The following RNF144B variants were observed in gnomAD, a reference collection of about 807,000 sequenced individuals.
The protein encoded by RNF144B is E3 ubiquitin-protein ligase RNF144B.
Under a neutral mutation model 40.2 loss-of-function variants are expected in RNF144B, and 25 were observed. The observed-to-expected ratio is 0.62, with a 90% CI of 0.45 to 0.87. The LOEUF (loss-of-function observed/expected upper bound fraction) is 0.87. RNF144B is among the 40% of genes least tolerant of loss of function. The pLI, the probability that RNF144B is intolerant of heterozygous loss-of-function variation, is 0.00. For synonymous variants in RNF144B, 145 were observed against 136.3 expected, an observed-to-expected ratio of 1.06 and a Z score of -0.44; for missense variants, 365 against 373.7, an observed-to-expected ratio of 0.98 and a Z score of 0.19.
At position 18,444,612 on chromosome 6, in the gene RNF144B, T is replaced by A. The variant is rs1235124376; in HGVS notation, c.331+4868T>A. 6.6e-6 allele frequency among the ~76,000 whole-genome samples: 1 copy of A among 152,178 alleles called. No homozygotes were observed. Among genetic ancestry groups the A allele is most frequent in the Non-Finnish European group, 1.5e-5 (1 of 68,030 alleles). On this transcript the variant is annotated intron_variant, in intron 4 of 7. Transcript: ENST00000259939. This position sits in a 1 kb window ranked among gnomAD's most constrained non-coding sequence, Gnocchi z 4.3. ...ATCTGTTCTTGAATATTTATTTATA[T>A]TACCATATAGCAGTTTAAGAACTCT...
chr6:18,411,851 G>A (rs188470693), intron 2 of RNF144B, among the ~76,000 whole-genome samples: 2 of 152,168 alleles, frequency 1.3e-5, no homozygotes, highest in Admixed American at 1.3e-4. Flanking sequence ...ACTTAATAGA[G>A]AAATGGGATC....
intron 3 of RNF144B, among the ~76,000 whole-genome samples, chr6:18,438,982 G>T (rs1283515999): frequency 6.6e-6 from 1 of 152,114 alleles, no homozygotes; most frequent in Admixed American, 6.5e-5. Flanking sequence ...AGCTTTTCCT[G>T]CATCTGCCTT....
In RNF144B at chr6:18,441,124, C is replaced by G. The variant is rs905169796; in HGVS notation, c.331+1380C>G. 6.6e-6 allele frequency among the ~76,000 whole-genome samples: 1 copy of G among 152,152 alleles called. No homozygotes were observed. Among genetic ancestry groups the G allele is most frequent in the African/African-American group, 2.4e-5 (1 of 41,534 alleles). ...ACTCTCTCTAATCCATCCACATGGG[C>G]CGATTAGATTGAGCATTATAACACC... On this transcript the variant is annotated intron_variant, in intron 4 of 7. Transcript: ENST00000259939. The surrounding 1 kb of genome is among the most constrained non-coding windows in gnomAD (Gnocchi z 4.9).
intron 2 of RNF144B, among the ~76,000 whole-genome samples, chr6:18,404,688 G>T (rs762401190): frequency 3.3e-5 from 5 of 151,374 alleles, no homozygotes; most frequent in Admixed American, 6.6e-5. Context: ...TAAATATCTA[G>T]AATTAGGACT....
chr6:18,451,955 A>G (rs940178115), intron 4 of RNF144B, among the ~76,000 whole-genome samples: 23 of 152,184 alleles, frequency 1.5e-4, no homozygotes, highest in African/African-American at 4.3e-4. Context: ...GAAATTTGAG[A>G]GCCCTAATTG....
At chr6:18,453,137 C>CTTTTTTTT (rs33972716) in intron 4 of RNF144B, among the ~76,000 whole-genome samples, 1 of 103,376 alleles carries the variant, frequency 9.7e-6, no homozygotes, top group Non-Finnish European at 1.9e-5. Flanking sequence ...TTTCTGTCTG[C>CTTTTTTTT]TTTTTTTTTT....
intron 4 of RNF144B, among the ~76,000 whole-genome samples, chr6:18,454,302 ATC>A (rs1158739470): frequency 7.2e-5 from 11 of 152,224 alleles, no homozygotes; most frequent in Admixed American, 5.2e-4. Context: ...GGGAAAGAAT[ATC>A]TCTAGAATAT....
intron 2 of RNF144B, among the ~76,000 whole-genome samples, chr6:18,411,494 TATA>T (rs1414954116): frequency 2.3e-3 from 42 of 18,126 alleles, no homozygotes; most frequent in African/African-American, 5.0e-3. Context: ...TATATATATA[TATA>T]TTTTTTTTTT....
chr6:18,453,320 G>A (rs1488584597), intron 4 of RNF144B, among the ~76,000 whole-genome samples: 1 of 151,264 alleles, frequency 6.6e-6, no homozygotes, highest in Non-Finnish European at 1.5e-5. Context: ...TGTATTTTTA[G>A]TAGAGATGGG....
intron 4 of RNF144B, among the ~76,000 whole-genome samples, chr6:18,453,669 G>A (rs565430225): frequency 3.6e-4 from 55 of 152,296 alleles, no homozygotes; most frequent in African/African-American, 1.2e-3. Flanking sequence ...GATACTGTAT[G>A]TGGATGCATT....
At chr6:18,388,171 A>T (rs142777672) in intron 1 of RNF144B, among the ~76,000 whole-genome samples, 2 of 152,160 alleles carry the variant, frequency 1.3e-5, no homozygotes, top group East Asian at 3.8e-4. Flanking sequence ...CATATACACT[A>T]TTCACATAAA....
rs573770578 is a variant in RNF144B, at chr6:18,465,085, C to T, written c.*18C>T. ...CAACCTAAAGATCTCTGTGTTCATA[C>T]GCCCCAGATATGTGAGTTACATGAG... is the stretch of plus-strand genomic sequence containing the variant. On this transcript the variant is annotated 3_prime_UTR_variant, in exon 8 of 8. Transcript: ENST00000259939. 2.2e-5 allele frequency: 36 copies of T among 1,612,464 alleles called. No homozygotes were observed. Among genetic ancestry groups the T allele is most frequent in the Admixed American group, 1.5e-4 (9 of 59,866 alleles).
At chr6:18,396,390 T>C (rs1242231762) in intron 1 of RNF144B, 1 of 966,850 alleles carries the variant, frequency 1.0e-6, no homozygotes, top group Non-Finnish European at 1.2e-6. Context: ...ACATTAAAAC[T>C]TTGGCCTGTT....
intron 4 of RNF144B, among the ~76,000 whole-genome samples, chr6:18,445,351 G>A (rs1324573): frequency 0.46 from 69,294 of 151,954 alleles, 16,827 homozygotes; most frequent in Non-Finnish European, 0.55. Context: ...GAAATCTGAA[G>A]GCAATCATTA....
Position 18,420,215 on chromosome 6 carries a change from C to A in RNF144B, c.166-7366C>A, listed in dbSNP as rs73377606. 4.7e-3 allele frequency among the ~76,000 whole-genome samples: 720 copies of A among 151,902 alleles called. 9 individuals are homozygous for A. Among genetic ancestry groups the A allele is most frequent in the African/African-American group, 0.016 (674 of 41,440 alleles). The stretch of plus-strand genomic sequence containing the variant: ...TACTTACTAGTCTACCATCTCTAAT[C>A]TGAAAATCTAAAGTCTAAAATCCTC... On this transcript the variant is annotated intron_variant, in intron 2 of 7. Transcript: ENST00000259939.
Position 18,406,398 on chromosome 6 carries a change from A to G in RNF144B, c.165+6699A>G, listed in dbSNP as rs1794906092. ...CAGAGGGAAGCAGTATGGAGGTCTT[A>G]AGTTGGGAGTGTGCTTGGTGTATCC... On this transcript the variant is annotated intron_variant, in intron 2 of 7. Transcript: ENST00000259939. This position sits in a 1 kb window ranked among gnomAD's most constrained non-coding sequence, Gnocchi z 4.2. Among the ~76,000 whole-genome samples, 1 of 150,646 alleles carries G rather than the reference A, an allele frequency of 6.6e-6. No homozygotes were observed. Among genetic ancestry groups the G allele is most frequent in the Non-Finnish European group, 1.5e-5 (1 of 67,766 alleles).
chr6:18,458,883 A>C lies in RNF144B; in HGVS notation c.537-724A>C, dbSNP rs1215439159. Among the ~76,000 whole-genome samples the C allele has an allele frequency of 6.6e-6, 1 of 152,216 alleles. No homozygotes were observed. The highest frequency in any genetic ancestry group is 1.5e-5 in the Non-Finnish European group (1 of 68,036). On this transcript the variant is annotated intron_variant, in intron 5 of 7. Transcript: ENST00000259939. This position sits in a 1 kb window ranked among gnomAD's most constrained non-coding sequence, Gnocchi z 4.8. Reference sequence around the variant, plus strand: ...ATTTCCTTTGTCATGTTGGCACTCAAAAAGTTTCAGATTTTGGAGCATTTT... The same window carrying C: ...ATTTCCTTTGTCATGTTGGCACTCACAAAGTTTCAGATTTTGGAGCATTTT...
In RNF144B at chr6:18,387,578, C is replaced by T. The variant is rs373043832; in HGVS notation, c.-89C>T. 24 of 1,325,482 alleles carry T rather than the reference C, an allele frequency of 1.8e-5. No homozygotes were observed. In the East Asian group the frequency reaches 5.8e-4, roughly 32 times the overall value. 82.1% of individuals were successfully genotyped at this position (1,325,482 alleles called of 1,614,324 possible). On this transcript the variant is annotated 5_prime_UTR_variant, in exon 1 of 8. Transcript: ENST00000259939. ...CAGCAGCCCGGACTGGCGGTGAGCG[C>T]GAGGGAGGCTACTGAGAAGCCCGGC...
chr6:18,399,419 T>C, intron 1 of RNF144B, 80 bp from the exon 2 acceptor site: 1 of 987,150 alleles, frequency 1.0e-6, no homozygotes, highest in Non-Finnish European at 1.5e-6. Context: ...GAGAATTTGA[T>C]CAGCTGGCCT....
Sources: allele counts gnomAD v4.1 joint callset (sites outside exome capture counted in the v4.1 genomes callset), GRCh38; gene constraint gnomAD v4.1.1; non-coding constraint Gnocchi (gnomAD v3.1); transcripts MANE v1.5; gene names NCBI Gene and HGNC (gene_info 2026-07-23, HGNC 2026-07-21).